The following FGF12 variants were observed in gnomAD, a reference collection of about 807,000 sequenced individuals.
FGF12 encodes the protein fibroblast growth factor 12B.
In FGF12, 14 loss-of-function variants were observed where a neutral mutation model predicts 23.6. That is an observed-to-expected ratio of 0.59 (90% CI 0.39 to 0.93). The LOEUF (loss-of-function observed/expected upper bound fraction) is 0.93, where lower values mean the gene tolerates loss of function less well. Ranked by LOEUF, FGF12 falls within the 40% of genes least tolerant of loss-of-function variation. The pLI, the probability that FGF12 is intolerant of heterozygous loss-of-function variation, is 0.00. For missense variants in FGF12, 175 were observed against 217.8 expected (o/e 0.80, Z 1.24); for synonymous variants, 62 against 77.3 (o/e 0.80, Z 1.04).
intron 2 of FGF12, among the ~76,000 whole-genome samples, chr3:192,389,019 C>T (rs997156197): frequency 2.0e-5 from 3 of 152,146 alleles, no homozygotes; most frequent in African/African-American, 7.2e-5. Flanking sequence ...TAAAAGGATA[C>T]TCTTACAACG....
At chr3:192,393,643 T>C (rs777408285) in intron 2 of FGF12, among the ~76,000 whole-genome samples, 2 of 152,080 alleles carry the variant, frequency 1.3e-5, no homozygotes, top group African/African-American at 4.8e-5. Context: ...AAAGGTCAAA[T>C]ACCAATCACA....
chr3:192,207,650 G>A (rs1366824123), intron 4 of FGF12, among the ~76,000 whole-genome samples: 1 of 152,166 alleles, frequency 6.6e-6, no homozygotes, highest in African/African-American at 2.4e-5. Flanking sequence ...AAGGGTCATC[G>A]ATACTTTGCT....
intron 2 of FGF12, among the ~76,000 whole-genome samples, chr3:192,562,323 G>A (rs1712078012): frequency 6.6e-6 from 1 of 152,050 alleles, no homozygotes; most frequent in African/African-American, 2.4e-5. Context: ...TGGTTATACA[G>A]GTTAATTTAA....
intron 2 of FGF12, among the ~76,000 whole-genome samples, chr3:192,623,030 G>A (rs549800873): frequency 6.6e-6 from 1 of 152,156 alleles, no homozygotes; most frequent in South Asian, 2.1e-4. Flanking sequence ...GTTTACGTTG[G>A]GATAATCAAA....
At position 192,190,544 on chromosome 3, in the gene FGF12, C is replaced by T. The variant is rs1308438380; in HGVS notation, c.229-19888G>A. 6.2e-5 allele frequency among the ~76,000 whole-genome samples: 8 copies of T among 129,706 alleles called. No individual in the cohort carries two copies. In the East Asian group the frequency reaches 1.6e-3, roughly 26 times the overall value. The allele number at this position is 129,706 out of a possible 152,430, so 85.1% of individuals were successfully genotyped here. On this transcript the variant is annotated intron_variant, in intron 4 of 5. Coordinates refer to ENST00000445105, the MANE Select transcript of FGF12 (RefSeq NM_004113.6). ...AGGCTGGAGTGCAGTGGCGGGATCTCGGCTCACTGCAAACTCCGCCTCCCG... is the reference window on the plus strand; with the variant it reads ...AGGCTGGAGTGCAGTGGCGGGATCTTGGCTCACTGCAAACTCCGCCTCCCG...
intron 2 of FGF12, among the ~76,000 whole-genome samples, chr3:192,683,229 C>T (rs1251811552): frequency 6.6e-6 from 1 of 152,210 alleles, no homozygotes; most frequent in South Asian, 2.1e-4. Context: ...GAAATCAGTG[C>T]AATCTTGTTG....
intron 5 of FGF12, among the ~76,000 whole-genome samples, chr3:192,146,859 A>C (rs1713756015): frequency 6.6e-6 from 1 of 152,162 alleles, no homozygotes; most frequent in Non-Finnish European, 1.5e-5. Flanking sequence ...AGTGTTTCAA[A>C]AAGACCAAAA....
intron 3 of FGF12, among the ~76,000 whole-genome samples, chr3:192,337,202 T>C (rs1362879030): frequency 1.3e-5 from 2 of 152,110 alleles, no homozygotes; most frequent in African/African-American, 4.8e-5. Context: ...ATATATGCAT[T>C]CTATATATAT....
In FGF12 at chr3:192,320,783, T is replaced by C. The variant is rs151080747; in HGVS notation, c.228+14578A>G. 1.1e-3 allele frequency among the ~76,000 whole-genome samples: 162 copies of C among 151,922 alleles called. 1 individual carries two copies. The highest frequency in any genetic ancestry group is 3.8e-3 in the African/African-American group (156 of 41,472). ...GAAACAAAAGAAAATGAAAGCACAA[T>C]ATACCCAAATCTATAGGATACAGTG... On this transcript the variant is annotated intron_variant, in intron 4 of 5. Coordinates refer to ENST00000445105, the MANE Select transcript of FGF12 (RefSeq NM_004113.6).
At chr3:192,713,642 CAG>C (rs1718765718) in intron 2 of FGF12, among the ~76,000 whole-genome samples, 1 of 152,276 alleles carries the variant, frequency 6.6e-6, no homozygotes, top group African/African-American at 2.4e-5. Flanking sequence ...AGAGGTTGCT[CAG>C]AGACAAGACA....
Position 192,727,252 on chromosome 3 carries a change from G to C in FGF12, c.-59C>G. On this transcript the variant is annotated 5_prime_UTR_variant, in exon 2 of 6. Coordinates refer to ENST00000445105, the MANE Select transcript of FGF12 (RefSeq NM_004113.6). ...GAAGTTGGCCGGAAGATGTGGGCCC[G>C]CTTCAGATTCCCAAATCTGGGAAGC... 4.5e-6 allele frequency: 7 copies of C among 1,560,098 alleles called. No homozygotes were observed. The highest frequency in any genetic ancestry group is 1.9e-5 in the Admixed American group (1 of 51,868).
intron 2 of FGF12, among the ~76,000 whole-genome samples, chr3:192,722,926 T>C (rs1476914312): frequency 6.6e-6 from 1 of 152,158 alleles, no homozygotes; most frequent in Non-Finnish European, 1.5e-5. Flanking sequence ...TAAATATTTG[T>C]TTAAATAAAA....
chr3:192,489,759 C>T (rs994776087), intron 2 of FGF12, among the ~76,000 whole-genome samples: 15 of 151,892 alleles, frequency 9.9e-5, no homozygotes, highest in African/African-American at 3.1e-4. Flanking sequence ...TAAATGGCAA[C>T]ACACTAAAGA....
intron 2 of FGF12, among the ~76,000 whole-genome samples, chr3:192,469,191 C>G (rs542069551): frequency 2.3e-4 from 35 of 152,156 alleles, no homozygotes; most frequent in Non-Finnish European, 3.7e-4. Flanking sequence ...TAGCACTTCT[C>G]TAAGGTGTCC....
intron 2 of FGF12, among the ~76,000 whole-genome samples, chr3:192,655,576 G>A (rs1716380065): frequency 6.6e-6 from 1 of 152,134 alleles, no homozygotes; most frequent in African/African-American, 2.4e-5. Context: ...TAGTTTACAA[G>A]TATTACTTAG....
At position 192,376,520 on chromosome 3, in the gene FGF12, G is replaced by A. The variant is rs190515526; in HGVS notation, c.14-15982C>T. 9.9e-5 allele frequency among the ~76,000 whole-genome samples: 15 copies of A among 151,816 alleles called. No individual in the cohort carries two copies. In the East Asian group the frequency reaches 1.2e-3, roughly 12 times the overall value. On this transcript the variant is annotated intron_variant, in intron 2 of 5. Transcript: ENST00000445105. ...TGGGATTACAGGCATGTGTCACCAC[G>A]CCCGGCTAATTTTGTATTTTTAGTA...
At chr3:192,604,912 C>T (rs1196322809) in intron 2 of FGF12, among the ~76,000 whole-genome samples, 1 of 152,112 alleles carries the variant, frequency 6.6e-6, no homozygotes, top group Non-Finnish European at 1.5e-5. Flanking sequence ...CACCTACAAT[C>T]ATCTGATCTT....
chr3:192,301,781 T>C (rs1715361673), intron 4 of FGF12, among the ~76,000 whole-genome samples: 1 of 151,994 alleles, frequency 6.6e-6, no homozygotes. Context: ...AGAAATTGGG[T>C]AGATTCTCCA....
At chr3:192,325,243 G>T (rs1716757018) in intron 4 of FGF12, among the ~76,000 whole-genome samples, 1 of 151,992 alleles carries the variant, frequency 6.6e-6, no homozygotes, top group South Asian at 2.1e-4. Context: ...GGTGAAAAAA[G>T]AAATAGGCAA....
Sources: gnomAD v4.1 joint callset for allele counts (sites outside exome capture counted in the v4.1 genomes callset) on GRCh38, gnomAD v4.1.1 for gene constraint, MANE v1.5 for transcripts, NCBI Gene and HGNC (gene_info 2026-07-23, HGNC 2026-07-21) for gene names.